CCDC197: variants seen among roughly 807,000 people sequenced by gnomAD.
CCDC197 encodes coiled-coil domain containing 197.
A neutral mutation model predicts 13.4 loss-of-function variants in CCDC197; 24 were observed. That is an observed-to-expected ratio of 1.80 (90% CI 1.30 to 2.53). The LOEUF is 2.53. Ranked by LOEUF, CCDC197 falls within the 30% of genes most tolerant of loss-of-function variation. CCDC197 has a pLI of 0.00. For missense variants in CCDC197, 255 were observed against 148.8 expected, an observed-to-expected ratio of 1.71 and a Z score of -3.71; for synonymous variants, 99 against 55.5, an observed-to-expected ratio of 1.78 and a Z score of -3.48.
upstream of CCDC197, among the ~76,000 whole-genome samples, chr14:93,995,395 C>T (rs892529436): frequency 5.3e-5 from 8 of 152,158 alleles, no homozygotes; most frequent in Admixed American, 2.0e-4. Context: ...GGAAACAAGG[C>T]CCCTACAGAA....
At chr14:93,990,784 G>T (rs1027797761) in intron 1 of CCDC197, among the ~76,000 whole-genome samples, 1 of 152,232 alleles carries the variant, frequency 6.6e-6, no homozygotes, top group Non-Finnish European at 1.5e-5. Flanking sequence ...TGCTAGATCT[G>T]GGAGTGGTCC....
intron 1 of CCDC197, among the ~76,000 whole-genome samples, chr14:93,988,877 G>C (rs1039782854): frequency 6.9e-6 from 1 of 144,728 alleles, no homozygotes; most frequent in Non-Finnish European, 1.5e-5. Flanking sequence ...AGGAGGAGAT[G>C]GGACGAGGGG....
chr14:94,001,218 A>C lies in CCDC197; in HGVS notation c.261A>C (p.Thr87=), dbSNP rs748297881. ...TGAAGCACTACGGGAAGCTCTTCACAGCCAGCCAGGACACGCAGAAGCGCC... is the reference window on the plus strand; with the variant it reads ...TGAAGCACTACGGGAAGCTCTTCACCGCCAGCCAGGACACGCAGAAGCGCC... ...ATVKHYGKLF[T]ASQDTQKRLE... Residue 87 remains threonine (T), a synonymous_variant, in exon 4 of 7, where the codon ACA becomes ACC. Transcript: ENST00000636493. The C allele has an allele frequency of 2.6e-5, 20 of 780,868 alleles. No homozygotes were observed. The highest frequency in any genetic ancestry group is 4.1e-5 in the Non-Finnish European group (17 of 418,088). The allele number at this position is 780,868 out of a possible 1,614,324, so 48.4% of individuals were successfully genotyped here. A position where few individuals can be genotyped will look rare whatever the true frequency, so the allele number is the denominator to read the frequency against.
intron 4 of CCDC197, among the ~76,000 whole-genome samples, chr14:94,002,024 G>C (rs889894005): frequency 6.6e-6 from 1 of 152,188 alleles, no homozygotes; most frequent in Non-Finnish European, 1.5e-5. Context: ...GGAATTCATG[G>C]ATGGGCTGGG....
At chr14:93,999,523 A>G in intron 2 of CCDC197, 60 bp from the exon 3 acceptor site, 2 of 775,114 alleles carry the variant, frequency 2.6e-6, no homozygotes, top group East Asian at 4.9e-5. Flanking sequence ...AGGTTCATTC[A>G]CAGGGGGTCC....
At chr14:93,996,962 T>C (rs112362637), upstream of CCDC197, among the ~76,000 whole-genome samples, 164 of 152,196 alleles carry the variant, frequency 1.1e-3, no homozygotes, top group African/African-American at 3.8e-3. Flanking sequence ...GGGGGGCTGA[T>C]GGAGAAATGC....
At chr14:94,002,406 T>A (rs1890548187) in intron 4 of CCDC197, among the ~76,000 whole-genome samples, 1 of 152,114 alleles carries the variant, frequency 6.6e-6, no homozygotes, top group East Asian at 1.9e-4. Context: ...TTCCTGCCTC[T>A]GCCTTCCGAG....
intron 5 of CCDC197, among the ~76,000 whole-genome samples, chr14:94,004,113 A>G (rs1030991234): frequency 1.6e-4 from 25 of 152,174 alleles, no homozygotes; most frequent in Admixed American, 2.6e-4. Flanking sequence ...GCCAAAGTCC[A>G]TGGCCATGAA....
chr14:93,999,459 T>A, intron 2 of CCDC197, 124 bp from the exon 3 acceptor site: 1 of 670,576 alleles, frequency 1.5e-6, no homozygotes, highest in Admixed American at 2.3e-5. Flanking sequence ...ACTGATAAAG[T>A]GGTACGTGGC....
chr14:93,994,666 A>G (rs1232978931), upstream of CCDC197, among the ~76,000 whole-genome samples: 1 of 152,092 alleles, frequency 6.6e-6, no homozygotes. Flanking sequence ...CCCACTCCAA[A>G]CCTACCTGCC....
chr14:93,996,533 G>A (rs1320007026), upstream of CCDC197, among the ~76,000 whole-genome samples: 1 of 139,986 alleles, frequency 7.1e-6, no homozygotes, highest in Non-Finnish European at 1.6e-5. Context: ...AGAGACCCCC[G>A]CCCTCCCTCA....
intron 1 of CCDC197, among the ~76,000 whole-genome samples, chr14:93,987,593 C>T (rs532542562): frequency 2.9e-4 from 44 of 152,254 alleles, no homozygotes; most frequent in African/African-American, 7.9e-4. Flanking sequence ...GAGTGGCTGG[C>T]GTGGGGTTGG....
intron 3 of CCDC197, among the ~76,000 whole-genome samples, chr14:94,000,133 ACT>A (rs1456044877): frequency 6.6e-6 from 1 of 152,064 alleles, no homozygotes; most frequent in Non-Finnish European, 1.5e-5. Flanking sequence ...AGTACTGGAA[ACT>A]CATTGGAAAA....
downstream of CCDC197, among the ~76,000 whole-genome samples, chr14:94,011,467 TGG>T (rs1890806422): frequency 6.6e-6 from 1 of 152,212 alleles, no homozygotes; most frequent in African/African-American, 2.4e-5. Context: ...TGGGCAGGGC[TGG>T]GGCCGTGAAT....
At position 94,001,162 on chromosome 14, in the gene CCDC197, G is replaced by A. The variant is rs1890487528; in HGVS notation, c.205G>A (p.Glu69Lys). ...CTCCGTAGGCTGCACGGGATGGGAG[G>A]AGCCGGAGGAGGTGCTGGTGGAGGC... ...KIPEGCTGWE[E>K]PEEVLVEATV... Residue 69 changes from glutamate (E) to lysine (K), a missense_variant, in exon 4 of 7, where the codon GAG becomes AAG. By Grantham distance (56) the Glu-to-Lys change is moderately conservative. Transcript: ENST00000636493. 3 of 779,736 alleles carry A rather than the reference G, an allele frequency of 3.8e-6. No homozygotes were observed. The highest frequency in any genetic ancestry group is 4.8e-6 in the Non-Finnish European group (2 of 417,614). 48.3% of individuals were successfully genotyped at this position (779,736 alleles called of 1,614,324 possible).
intron 2 of CCDC197, chr14:93,999,263 C>T (rs942596506): frequency 6.3e-5 from 17 of 269,168 alleles, no homozygotes; most frequent in Non-Finnish European, 1.2e-4. Flanking sequence ...CCTGAGATGG[C>T]AGCCACCTGC....
chr14:94,004,792 G>A, intron 5 of CCDC197, 63 bp from the exon 6 acceptor site: 1 of 686,818 alleles, frequency 1.5e-6, no homozygotes, highest in South Asian at 1.6e-5. Context: ...AGTGAGCCAG[G>A]GCAGGGGCAG....
chr14:94,006,645 C>T (rs1218616391), intron 6 of CCDC197, among the ~76,000 whole-genome samples: 1 of 151,580 alleles, frequency 6.6e-6, no homozygotes, highest in Non-Finnish European at 1.5e-5. Context: ...GTATGAGCCA[C>T]TGTTCCCGGC....
At chr14:94,004,183 C>T (rs983193003) in intron 5 of CCDC197, among the ~76,000 whole-genome samples, 28 of 152,292 alleles carry the variant, frequency 1.8e-4, no homozygotes, top group African/African-American at 6.7e-4. Context: ...GGAGTGTGGT[C>T]TGGTCACCCC....
Sources: gnomAD v4.1 joint callset for allele counts (sites outside exome capture counted in the v4.1 genomes callset) on GRCh38, gnomAD v4.1.1 for gene constraint, MANE v1.5 for transcripts, NCBI Gene and HGNC (gene_info 2026-07-23, HGNC 2026-07-21) for gene names.